KCNIP4: variants seen among roughly 807,000 people sequenced by gnomAD.
KCNIP4 encodes the protein Kv channel-interacting protein 4.
Under a neutral mutation model 34.0 loss-of-function variants are expected in KCNIP4, and 12 were observed. That is an observed-to-expected ratio of 0.35 (90% CI 0.23 to 0.57). The LOEUF (loss-of-function observed/expected upper bound fraction) is 0.57, where lower values mean the gene tolerates loss of function less well. Among genes scored for constraint, KCNIP4 ranks in the 20% least tolerant of loss-of-function variants. The pLI is 0.83. For missense variants in KCNIP4, 238 were observed against 311.7 expected (o/e 0.76, Z 1.78); for synonymous variants, 124 against 102.2 (o/e 1.21, Z -1.29).
intron 1 of KCNIP4, among the ~76,000 whole-genome samples, chr4:21,755,179 T>G (rs566426916): frequency 6.6e-6 from 1 of 152,242 alleles, no homozygotes; most frequent in Admixed American, 6.5e-5. Context: ...GAATAAAAGC[T>G]TTAGAGTCGA....
intron 1 of KCNIP4, among the ~76,000 whole-genome samples, chr4:20,886,467 T>C (rs36031676): frequency 0.13 from 19,194 of 152,146 alleles, 1,312 homozygotes; most frequent in South Asian, 0.24. Context: ...TTGTGTGAAA[T>C]TAAATGTGGG....
In KCNIP4 at chr4:21,665,768, C is replaced by A. The variant is rs1237515445; in HGVS notation, c.61+282803G>T. ...CATTTGGCAAAACTTGTGCTGGGGC[C>A]CAACTATGCTGGATACAGAATTCTC... On this transcript the variant is annotated intron_variant, in intron 1 of 8. Coordinates refer to ENST00000382152, the MANE Select transcript of KCNIP4 (RefSeq NM_025221.6). 2.6e-5 allele frequency among the ~76,000 whole-genome samples: 4 copies of A among 152,052 alleles called. No homozygotes were observed. The East Asian group carries it at 7.7e-4, about 29-fold the overall frequency.
chr4:21,364,903 TA>T (rs1037962980), intron 1 of KCNIP4, among the ~76,000 whole-genome samples: 1 of 152,062 alleles, frequency 6.6e-6, no homozygotes, highest in African/African-American at 2.4e-5. Flanking sequence ...GTCCTTTGCA[TA>T]AAGTCAGAAA....
chr4:20,747,422 TA>T (rs1401308132), intron 5 of KCNIP4, among the ~76,000 whole-genome samples: 3 of 152,174 alleles, frequency 2.0e-5, no homozygotes, highest in Non-Finnish European at 4.4e-5. Context: ...AACTTGTTTC[TA>T]AAGTGAAGCA....
intron 1 of KCNIP4, among the ~76,000 whole-genome samples, chr4:20,967,568 G>T (rs1734487233): frequency 6.6e-6 from 1 of 152,164 alleles, no homozygotes; most frequent in Non-Finnish European, 1.5e-5. Context: ...CATGGTACTT[G>T]TACCAAAACA....
intron 1 of KCNIP4, among the ~76,000 whole-genome samples, chr4:21,539,638 C>T (rs1737504632): frequency 6.6e-6 from 1 of 152,082 alleles, no homozygotes; most frequent in African/African-American, 2.4e-5. Context: ...CTGAGTTCCC[C>T]TTCCACTTCA....
intron 1 of KCNIP4, among the ~76,000 whole-genome samples, chr4:21,873,760 A>G (rs1725940137): frequency 6.6e-6 from 1 of 152,208 alleles, no homozygotes; most frequent in African/African-American, 2.4e-5. Context: ...GAATTCTGTA[A>G]ACAGATCAAT....
At chr4:21,408,724 C>T (rs1040207655) in intron 1 of KCNIP4, among the ~76,000 whole-genome samples, 2 of 152,216 alleles carry the variant, frequency 1.3e-5, no homozygotes, top group African/African-American at 4.8e-5. Flanking sequence ...TTAGATTCAA[C>T]AACCAAGTTG....
chr4:21,514,894 C>CATTT (rs1232327921), intron 1 of KCNIP4, among the ~76,000 whole-genome samples: 1 of 152,174 alleles, frequency 6.6e-6, no homozygotes, highest in Non-Finnish European at 1.5e-5. Flanking sequence ...TGCAAGAAGA[C>CATTT]ATTTCATTAT....
intron 1 of KCNIP4, among the ~76,000 whole-genome samples, chr4:21,224,876 C>A (rs976044003): frequency 6.6e-6 from 1 of 152,030 alleles, no homozygotes; most frequent in Admixed American, 6.6e-5. Context: ...CATGAGCCAC[C>A]ACACCTGGCC....
intron 1 of KCNIP4, among the ~76,000 whole-genome samples, chr4:21,158,169 A>G (rs1024050815): frequency 6.6e-6 from 1 of 152,166 alleles, no homozygotes; most frequent in African/African-American, 2.4e-5. Flanking sequence ...CAGTTAAAAA[A>G]TTTCTCACAA....
chr4:21,290,633 A>C (rs1263709289), intron 1 of KCNIP4, among the ~76,000 whole-genome samples: 2 of 152,114 alleles, frequency 1.3e-5, no homozygotes, highest in African/African-American at 4.8e-5. Context: ...TAGATGGGAG[A>C]ATTTATCAAC....
chr4:21,370,626 G>A (rs1006054482), intron 1 of KCNIP4, among the ~76,000 whole-genome samples: 2 of 141,486 alleles, frequency 1.4e-5, no homozygotes, highest in Non-Finnish European at 3.0e-5. Context: ...GATAGTCAGG[G>A]AAGGCTTAGC....
intron 1 of KCNIP4, among the ~76,000 whole-genome samples, chr4:21,361,693 T>C (rs1578128557): frequency 8.7e-6 from 1 of 115,594 alleles, no homozygotes; most frequent in Admixed American, 8.3e-5. Flanking sequence ...TTCATTCTCC[T>C]TTTTTTTTCC....
chr4:21,882,782 A>T (rs1726530584), intron 1 of KCNIP4, among the ~76,000 whole-genome samples: 1 of 152,154 alleles, frequency 6.6e-6, no homozygotes, highest in Non-Finnish European at 1.5e-5. Flanking sequence ...ATCAGCAAAA[A>T]TGAAATGGAA....
chr4:21,699,251 A>C (rs1712631973), intron 1 of KCNIP4, among the ~76,000 whole-genome samples: 1 of 152,224 alleles, frequency 6.6e-6, no homozygotes, highest in Non-Finnish European at 1.5e-5. Context: ...AACCTTAAGC[A>C]CAGCACTTTT....
intron 1 of KCNIP4, among the ~76,000 whole-genome samples, chr4:21,305,458 C>T (rs1712354047): frequency 6.6e-6 from 1 of 152,144 alleles, no homozygotes. Context: ...CAATCACTAC[C>T]ACCTCGGGTG....
At chr4:21,730,277 C>T (rs1043327879) in intron 1 of KCNIP4, among the ~76,000 whole-genome samples, 1 of 152,196 alleles carries the variant, frequency 6.6e-6, no homozygotes, top group Non-Finnish European at 1.5e-5. Context: ...TAATACTCTG[C>T]TTCTTCTTAA....
intron 1 of KCNIP4, among the ~76,000 whole-genome samples, chr4:21,678,537 ATC>A (rs563978873): frequency 6.4e-4 from 97 of 152,086 alleles, no homozygotes; most frequent in Admixed American, 1.4e-3. Context: ...GCCTCATATA[ATC>A]TGTTTCCCTT....
Sources: gnomAD v4.1 joint callset for allele counts (sites outside exome capture counted in the v4.1 genomes callset) on GRCh38, gnomAD v4.1.1 for gene constraint, MANE v1.5 for transcripts, NCBI Gene and HGNC (gene_info 2026-07-23, HGNC 2026-07-21) for gene names.